NEB: variants seen among roughly 807,000 people sequenced by gnomAD.
NEB encodes the protein nebulin, also known as nemaline myopathy type 2.
A neutral mutation model predicts 952.2 loss-of-function variants in NEB; 512 were observed. The observed-to-expected ratio is 0.54, with a 90% CI of 0.50 to 0.58. The LOEUF (loss-of-function observed/expected upper bound fraction) is 0.58, where lower values mean the gene tolerates loss of function less well. Ranked by LOEUF, NEB falls within the 20% of genes least tolerant of loss-of-function variation. The probability of loss-of-function intolerance (pLI) is 0.00; values close to 1 mark genes in which losing one functional copy is unlikely to be tolerated. For synonymous variants in NEB, 2,900 were observed against 3,149.8 expected (o/e 0.92, Z 2.66); for missense variants, 8,428 against 9,231.1 (o/e 0.91, Z 3.56).
intron 105 of NEB, among the ~76,000 whole-genome samples, chr2:151,578,204 T>C (rs1384363122): frequency 5.9e-5 from 9 of 152,186 alleles, no homozygotes; most frequent in East Asian, 1.9e-4. Flanking sequence ...TTCCAAAAGT[T>C]TGAAGGGCGG....
chr2:151,520,619 C>T (rs2081276419), intron 153 of NEB, among the ~76,000 whole-genome samples: 1 of 152,120 alleles, frequency 6.6e-6, no homozygotes, highest in Non-Finnish European at 1.5e-5. Context: ...AATCTCAGCA[C>T]TTTAGGAGGC....
chr2:151,627,779 T>A lies in NEB; in HGVS notation c.9887A>T (p.Asn3296Ile). Residue 3296 changes from asparagine to isoleucine, a missense_variant, in exon 69 of 182, where the codon AAC (asparagine) becomes ATC (isoleucine). By Grantham distance (149) the Asn-to-Ile change is moderately radical. Around this residue, in one of 11 missense-constraint regions of NEB, gnomAD observed 1,772 missense variants for 1,960.3 expected, o/e 0.90. Coordinates refer to ENST00000397345, the MANE Select transcript of NEB (RefSeq NM_001164508.2). ...CATCATCTTGGGGTCATCTTCAATG[T>A]TCCGGGCTCCAATGTGGTGGCCGAG... Reference protein sequence around the residue: ...KQLGHHIGARNIEDDPKMMWS... With the variant: ...KQLGHHIGARIIEDDPKMMWS... The A allele has an allele frequency of 6.2e-7, 1 of 1,613,998 alleles. No individual in the cohort carries two copies. Among genetic ancestry groups the A allele is most frequent in the South Asian group, 1.1e-5 (1 of 91,078 alleles).
At position 151,672,774 on chromosome 2, in the gene NEB, A is replaced by T. The variant is rs1347969866; in HGVS notation, c.3988-94T>A. On this transcript the variant is annotated intron_variant, in intron 36 of 181. Coordinates refer to ENST00000397345, the MANE Select transcript of NEB (RefSeq NM_001164508.2). ...ATATAAAGACACTCAGAGCTTTGTGACTTTCTCAAGAGTGTACAAAAAATG... is the reference window on the plus strand; with the variant it reads ...ATATAAAGACACTCAGAGCTTTGTGTCTTTCTCAAGAGTGTACAAAAAATG... 6 of 1,215,242 alleles carry T rather than the reference A, an allele frequency of 4.9e-6. No individual in the cohort carries two copies. In the Admixed American group the frequency reaches 1.4e-4, roughly 29 times the overall value. The allele number at this position is 1,215,242 out of a possible 1,614,324, so 75.3% of individuals were successfully genotyped here. A position where few individuals can be genotyped will look rare whatever the true frequency, so the allele number is the denominator to read the frequency against.
chr2:151,499,724 A>T (rs183380462), intron 168 of NEB, among the ~76,000 whole-genome samples: 43 of 152,342 alleles, frequency 2.8e-4, no homozygotes, highest in African/African-American at 8.4e-4. Context: ...TAGATTAGCA[A>T]GTATTTATTT....
At chr2:151,564,825 A>C (rs1222309341) in intron 117 of NEB, among the ~76,000 whole-genome samples, 2 of 152,174 alleles carry the variant, frequency 1.3e-5, no homozygotes, top group African/African-American at 4.8e-5. Flanking sequence ...TTGCCTCCTA[A>C]AGAGCCCGGC....
At chr2:151,723,749 T>C (rs1048596913) in intron 8 of NEB, among the ~76,000 whole-genome samples, 1 of 121,256 alleles carries the variant, frequency 8.2e-6, no homozygotes, top group African/African-American at 3.8e-5. Flanking sequence ...CTGCCTTCTT[T>C]GTTTTTTTTT....
chr2:151,546,998 T>C (rs371523761), intron 133 of NEB, among the ~76,000 whole-genome samples: 38 of 152,166 alleles, frequency 2.5e-4, no homozygotes, highest in African/African-American at 9.2e-4. Context: ...AAAGAACAGA[T>C]TGAATGGATT....
chr2:151,668,404 A>G (rs1161851045), intron 39 of NEB, among the ~76,000 whole-genome samples: 1 of 152,208 alleles, frequency 6.6e-6, no homozygotes. Flanking sequence ...TTAATGAAAC[A>G]AAAGCACAGG....
chr2:151,611,413 C>T (rs368074416), intron 78 of NEB, among the ~76,000 whole-genome samples: 48 of 152,266 alleles, frequency 3.2e-4, no homozygotes, highest in African/African-American at 9.1e-4. Flanking sequence ...TTGCTGTTAT[C>T]ATTGTGGTTG....
intron 46 of NEB, among the ~76,000 whole-genome samples, chr2:151,659,769 A>T (rs1456296711): frequency 6.6e-6 from 1 of 152,244 alleles, no homozygotes; most frequent in Non-Finnish European, 1.5e-5. Context: ...TTAAATATAC[A>T]TGAAGTCATG....
rs1212716508 is a variant in NEB, at chr2:151,662,160, T to G, written c.5945A>C (p.Gln1982Pro). Residue 1982 changes from glutamine (Q) to proline (P), a missense_variant, in exon 46 of 182, where the codon CAG becomes CCG. By Grantham distance (76) the Gln-to-Pro change is moderately conservative (BLOSUM62 -1). This residue lies in a region of NEB where 2,851 missense variants were observed against 2,791.5 expected (regional missense o/e 1.02). Coordinates refer to ENST00000397345, the MANE Select transcript of NEB (RefSeq NM_001164508.2). ...LMDSMNMVLA[Q>P]NNAKIMNEHL... The stretch of plus-strand genomic sequence containing the variant: ...TTCGTTCATAATTTTTGCATTATTC[T>G]GGGCCAAAACCATGTTCATCGAGTC... 8 of 1,613,304 alleles carry G rather than the reference T, an allele frequency of 5.0e-6. No individual in the cohort carries two copies. Among genetic ancestry groups the G allele is most frequent in the Middle Eastern group, 1.7e-4 (1 of 6,054 alleles).
At chr2:151,667,961 A>G in intron 39 of NEB, 50 bp from the exon 40 acceptor site, 1 of 1,393,426 alleles carries the variant, frequency 7.2e-7, no homozygotes, top group South Asian at 1.2e-5. Context: ...TAAAAGAGGA[A>G]TGAAACAGAA....
chr2:151,678,264 G>C, intron 32 of NEB, 77 bp from the exon 33 acceptor site: 8 of 910,978 alleles, frequency 8.8e-6, no homozygotes, highest in Non-Finnish European at 1.3e-5. Flanking sequence ...ATGATTTGAA[G>C]TAATTGAGCT....
At chr2:151,621,261 C>T (rs781638119) in intron 71 of NEB, among the ~76,000 whole-genome samples, 1 of 152,142 alleles carries the variant, frequency 6.6e-6, no homozygotes, top group Admixed American at 6.5e-5. Flanking sequence ...ATCTTTTACA[C>T]GTTATACATT....
chr2:151,564,406 C>A (rs919298720), intron 117 of NEB, among the ~76,000 whole-genome samples: 23 of 152,128 alleles, frequency 1.5e-4, no homozygotes, highest in Admixed American at 1.4e-3. Context: ...ACCAACCTCA[C>A]CCTCCCAAAG....
At chr2:151,633,632 C>A (rs1231807505) in intron 65 of NEB, 22 bp downstream of exon 65, 1 of 1,593,420 alleles carries the variant, frequency 6.3e-7, no homozygotes, top group East Asian at 2.2e-5. Flanking sequence ...TGCACAGCTC[C>A]ATTTATAGAT....
At chr2:151,605,490 A>G (rs1184597451) in intron 84 of NEB, among the ~76,000 whole-genome samples, 1 of 108,542 alleles carries the variant, frequency 9.2e-6, no homozygotes, top group Non-Finnish European at 2.4e-5. Flanking sequence ...GGCTTGAATC[A>G]GAAGATAACA....
chr2:151,674,340 T>C (rs2099339925), intron 36 of NEB, 137 bp downstream of exon 36: 2 of 768,202 alleles, frequency 2.6e-6, no homozygotes, highest in East Asian at 5.6e-5. Context: ...AAGTGACAGG[T>C]TTTTCCAAAC....
Position 151,551,766 on chromosome 2 carries a change from G to A in NEB, c.19916C>T (p.Ala6639Val). The change falls in exon 129 of 182, where the codon GCC becomes GTC. Residue 6639 changes from alanine (A) to valine (V), a missense_variant. Physicochemically the swap from Ala to Val is moderately conservative, Grantham distance 64 (BLOSUM62 0). Around this residue, in one of 11 missense-constraint regions of NEB, gnomAD observed 3,374 missense variants for 3,651.5 expected, o/e 0.92. Transcript: ENST00000397345. Reference protein sequence around the residue: ...PTTKTVDLDRALHAYKLQSSN... With the variant: ...PTTKTVDLDRVLHAYKLQSSN... ...ACTCTGGAGCTTGTATGCATGAAGG[G>A]CCCGGTCCAGATCCACGGTTTTGGT... The A allele has an allele frequency of 6.2e-7, 1 of 1,613,564 alleles. No individual in the cohort carries two copies. The highest frequency in any genetic ancestry group is 8.5e-7 in the Non-Finnish European group (1 of 1,179,656).
Sources: gnomAD v4.1 joint callset for allele counts (sites outside exome capture counted in the v4.1 genomes callset) on GRCh38, gnomAD v4.1.1 for gene constraint, gnomAD v4.1.1 regional missense constraint, MANE v1.5 for transcripts, NCBI Gene and HGNC (gene_info 2026-07-23, HGNC 2026-07-21) for gene names.